Variants in PCDH9 observed in about 807,000 individuals in gnomAD.
PCDH9 encodes protocadherin-9.
PCDH9 carries 24 observed loss-of-function variants against 70.6 expected under a neutral mutation model. The ratio of observed to expected loss-of-function variants is 0.34; its 90% CI spans 0.25 to 0.48. PCDH9 has a LOEUF of 0.48. Ranked by LOEUF, PCDH9 falls within the 20% of genes least tolerant of loss-of-function variation. The pLI is 0.99. For missense variants in PCDH9, 1,281 were observed against 1,503.6 expected, an observed-to-expected ratio of 0.85 and a Z score of 2.45; for synonymous variants, 562 against 558.5, an observed-to-expected ratio of 1.01 and a Z score of -0.09.
chr13:66,961,835 G>A (rs1433870219), intron 2 of PCDH9, among the ~76,000 whole-genome samples: 1 of 152,020 alleles, frequency 6.6e-6, no homozygotes, highest in African/African-American at 2.4e-5. Context: ...GGTGGCTCAC[G>A]AGATCAGGAG....
In PCDH9 at chr13:67,073,934, T is replaced by C. The variant is rs367929198; in HGVS notation, c.3036+151471A>G. ...AGGTTTTAATTTCTAGTGGTAACAC[T>C]TGGGGCCTTAACCTGGATTTCACTG... On this transcript the variant is annotated intron_variant, in intron 2 of 4. Transcript: ENST00000377865. Among the ~76,000 whole-genome samples, 114 of 152,244 alleles carry C rather than the reference T, an allele frequency of 7.5e-4. No individual in the cohort carries two copies. In the Middle Eastern group the frequency reaches 0.017, roughly 23 times the overall value.
intron 2 of PCDH9, among the ~76,000 whole-genome samples, chr13:67,091,783 C>T (rs2086223705): frequency 6.6e-6 from 1 of 152,060 alleles, no homozygotes; most frequent in African/African-American, 2.4e-5. Flanking sequence ...TTAATAGTTC[C>T]TCGGTCATGT....
chr13:66,319,704 G>A (rs190955352), intron 4 of PCDH9, among the ~76,000 whole-genome samples: 1 of 152,080 alleles, frequency 6.6e-6, no homozygotes, highest in Non-Finnish European at 1.5e-5. Flanking sequence ...AAAGAGCTAT[G>A]GAGGATTCAA....
At chr13:66,677,403 A>T (rs1246794994) in intron 3 of PCDH9, among the ~76,000 whole-genome samples, 2 of 152,224 alleles carry the variant, frequency 1.3e-5, no homozygotes, top group Admixed American at 6.6e-5. Context: ...GATGTTTAAA[A>T]GTTTTTTTGA....
At chr13:66,874,242 T>C (rs1008408964) in intron 3 of PCDH9, among the ~76,000 whole-genome samples, 2 of 152,232 alleles carry the variant, frequency 1.3e-5, no homozygotes, top group Middle Eastern at 3.2e-3. Flanking sequence ...TAATAGATTA[T>C]GACAAACTCA....
At chr13:66,747,557 C>G (rs1278225476) in intron 3 of PCDH9, among the ~76,000 whole-genome samples, 3 of 152,036 alleles carry the variant, frequency 2.0e-5, no homozygotes, top group African/African-American at 7.2e-5. Flanking sequence ...TGAAATGCAA[C>G]TTCTGCAAAA....
intron 2 of PCDH9, among the ~76,000 whole-genome samples, chr13:66,994,181 A>C (rs2084060110): frequency 6.6e-6 from 1 of 152,174 alleles, no homozygotes; most frequent in Non-Finnish European, 1.5e-5. Context: ...ACGGAGAGGA[A>C]ACTGACTGGC....
intron 2 of PCDH9, chr13:67,211,757 A>G (rs553796902): frequency 1.3e-5 from 2 of 152,280 alleles, no homozygotes; most frequent in African/African-American, 4.8e-5. Context: ...ATAAATATTC[A>G]TAAGAAAATG....
chr13:67,134,500 A>T (rs2087183737), intron 2 of PCDH9, among the ~76,000 whole-genome samples: 1 of 152,160 alleles, frequency 6.6e-6, no homozygotes, highest in Non-Finnish European at 1.5e-5. Flanking sequence ...CTAGAGAATC[A>T]GAGTCACTGA....
intron 4 of PCDH9, among the ~76,000 whole-genome samples, chr13:66,571,865 G>A (rs1333210633): frequency 6.6e-6 from 1 of 151,910 alleles, no homozygotes; most frequent in Non-Finnish European, 1.5e-5. Flanking sequence ...GGATATAAAT[G>A]TTTTATCGTG....
chr13:66,332,691 T>C (rs1955964889), intron 4 of PCDH9, among the ~76,000 whole-genome samples: 1 of 151,894 alleles, frequency 6.6e-6, no homozygotes, highest in Non-Finnish European at 1.5e-5. Context: ...CTAGGAGAGA[T>C]GACTCCTGGG....
intron 3 of PCDH9, among the ~76,000 whole-genome samples, chr13:66,672,877 C>T (rs1463889494): frequency 6.6e-6 from 1 of 152,116 alleles, no homozygotes; most frequent in Non-Finnish European, 1.5e-5. Flanking sequence ...TTACCCAATG[C>T]CTGTATTCCC....
intron 2 of PCDH9, among the ~76,000 whole-genome samples, chr13:66,920,561 C>A (rs536128865): frequency 1.1e-4 from 16 of 151,146 alleles, no homozygotes; most frequent in Admixed American, 3.3e-4. Context: ...ATAATTCCTC[C>A]ATTCAATCAA....
intron 2 of PCDH9, among the ~76,000 whole-genome samples, chr13:67,109,779 C>A (rs1286212417): frequency 6.6e-6 from 1 of 151,908 alleles, no homozygotes; most frequent in Non-Finnish European, 1.5e-5. Context: ...TGTTATATTT[C>A]TTCTCTTTTT....
intron 4 of PCDH9, among the ~76,000 whole-genome samples, chr13:66,510,702 T>C (rs144581151): frequency 0.015 from 2,280 of 152,320 alleles, 43 homozygotes; most frequent in African/African-American, 0.053. Context: ...ACAATTTTTA[T>C]GGCTGCATAG....
chr13:66,460,923 T>A (rs549271199), intron 4 of PCDH9, among the ~76,000 whole-genome samples: 2 of 152,014 alleles, frequency 1.3e-5, no homozygotes, highest in East Asian at 3.9e-4. Flanking sequence ...TAAAAAATAA[T>A]ACTGATAAAA....
chr13:66,404,487 T>C (rs1235440342), intron 4 of PCDH9, among the ~76,000 whole-genome samples: 2 of 151,844 alleles, frequency 1.3e-5, no homozygotes, highest in Non-Finnish European at 2.9e-5. Context: ...GTAGGGTAAA[T>C]CTCTTGTAAG....
intron 4 of PCDH9, among the ~76,000 whole-genome samples, chr13:66,464,228 A>G (rs1958475620): frequency 6.6e-6 from 1 of 151,644 alleles, no homozygotes; most frequent in South Asian, 2.1e-4. Flanking sequence ...GAATGATTAA[A>G]AAAAAAAAGA....
intron 2 of PCDH9, among the ~76,000 whole-genome samples, chr13:66,933,525 C>T (rs1314188060): frequency 6.6e-5 from 10 of 152,164 alleles, no homozygotes; most frequent in Non-Finnish European, 1.2e-4. Context: ...AATAGCAAAG[C>T]AGATTTATTA....
Sources: allele counts gnomAD v4.1 joint callset (sites outside exome capture counted in the v4.1 genomes callset), GRCh38; gene constraint gnomAD v4.1.1; transcripts MANE v1.5; gene names NCBI Gene and HGNC (gene_info 2026-07-23, HGNC 2026-07-21).